The following RANBP2 variants were observed in gnomAD, a reference collection of about 807,000 sequenced individuals.
RANBP2 encodes the protein E3 SUMO-protein ligase RanBP2.
RANBP2 carries 57 observed loss-of-function variants against 303.6 expected under a neutral mutation model. That is an observed-to-expected ratio of 0.19 (90% CI 0.15 to 0.23). RANBP2 has a LOEUF of 0.23. Among genes scored for constraint, RANBP2 ranks in the 10% least tolerant of loss-of-function variants. RANBP2 has a pLI of 1.00. For synonymous variants in RANBP2, 1,167 were observed against 1,301.5 expected, an observed-to-expected ratio of 0.90 and a Z score of 2.23; for missense variants, 3,138 against 3,780.8, an observed-to-expected ratio of 0.83 and a Z score of 4.46.
At chr2:109,736,467 AAC>A in the RANBP2 span, among the ~76,000 whole-genome samples, 1 of 152,186 alleles carries the variant, frequency 6.6e-6, no homozygotes, top group South Asian at 2.1e-4. Context: ...GACTTGTAGA[AAC>A]ACATTACTTA....
chr2:109,691,970 G>C, the RANBP2 span, among the ~76,000 whole-genome samples: 4 of 151,998 alleles, frequency 2.6e-5, no homozygotes, highest in Non-Finnish European at 5.9e-5. Flanking sequence ...TTTTAGTAGA[G>C]ACGAGGTTTC....
At chr2:108,899,554 A>G in the RANBP2 span, among the ~76,000 whole-genome samples, 4 of 152,254 alleles carry the variant, frequency 2.6e-5, no homozygotes, top group Non-Finnish European at 5.9e-5. Flanking sequence ...AGTTTTCTGA[A>G]TTACATTAGG....
At chr2:108,902,661 A>G in the RANBP2 span, among the ~76,000 whole-genome samples, 2 of 152,232 alleles carry the variant, frequency 1.3e-5, no homozygotes, top group Middle Eastern at 3.2e-3. Context: ...ATAGAATGCA[A>G]CCATAAAAAA....
At chr2:109,246,614 C>T in the RANBP2 span, among the ~76,000 whole-genome samples, 1 of 152,188 alleles carries the variant, frequency 6.6e-6, no homozygotes, top group Non-Finnish European at 1.5e-5. Context: ...GCCTTCCTTT[C>T]CACACACAGC....
chr2:109,015,782 A>T, the RANBP2 span, among the ~76,000 whole-genome samples: 1 of 152,208 alleles, frequency 6.6e-6, no homozygotes, highest in Non-Finnish European at 1.5e-5. Flanking sequence ...ATAAAATAAA[A>T]AAATAAAGAA....
the RANBP2 span, among the ~76,000 whole-genome samples, chr2:108,995,642 T>C: frequency 1.3e-5 from 2 of 152,246 alleles, no homozygotes; most frequent in Non-Finnish European, 2.9e-5. Context: ...GGCTAAATGG[T>C]TGCATTTCTT....
At chr2:108,761,309 A>G (rs1381956959) in intron 18 of RANBP2, among the ~76,000 whole-genome samples, 3 of 151,230 alleles carry the variant, frequency 2.0e-5, no homozygotes, top group African/African-American at 7.3e-5. Context: ...AGCCTTTTCT[A>G]GGTCTTGATT....
chr2:109,299,913 G>A, the RANBP2 span, among the ~76,000 whole-genome samples: 77 of 152,342 alleles, frequency 5.1e-4, no homozygotes, highest in African/African-American at 1.4e-3. Flanking sequence ...CAAGTAGGAT[G>A]TGCAGAGCCA....
chr2:108,740,472 A>G lies in RANBP2; in HGVS notation c.783-17A>G, dbSNP rs781150681. The G allele has an allele frequency of 3.8e-6, 6 of 1,597,420 alleles. No individual in the cohort carries two copies. The highest frequency in any genetic ancestry group is 2.2e-4 in the Middle Eastern group (1 of 4,448). Reference sequence around the variant, plus strand: ...GCAGTAAGTGTGTATTATCTGTTTGATATTTTCATATTACAGTTTTGATAG... The same window carrying G: ...GCAGTAAGTGTGTATTATCTGTTTGGTATTTTCATATTACAGTTTTGATAG... On this transcript the variant is annotated splice_polypyrimidine_tract_variant and intron_variant, in intron 6 of 28. Coordinates refer to ENST00000283195, the MANE Select transcript of RANBP2 (RefSeq NM_006267.5).
chr2:108,890,030 A>G, the RANBP2 span, among the ~76,000 whole-genome samples: 13 of 152,228 alleles, frequency 8.5e-5, no homozygotes, highest in African/African-American at 3.1e-4. Context: ...GGAGTCGTCT[A>G]GTGGTAATGA....
chr2:109,726,801 A>G, the RANBP2 span, among the ~76,000 whole-genome samples: 1 of 152,106 alleles, frequency 6.6e-6, no homozygotes, highest in African/African-American at 2.4e-5. Context: ...CTGAGAGGGA[A>G]TGTGGTCGGG....
the RANBP2 span, among the ~76,000 whole-genome samples, chr2:109,499,960 G>A: frequency 1.6e-4 from 24 of 152,294 alleles, no homozygotes; most frequent in Non-Finnish European, 2.6e-4. Flanking sequence ...GGGAGGCAGC[G>A]AGTGGGGGCT....
the RANBP2 span, among the ~76,000 whole-genome samples, chr2:109,568,962 G>A: frequency 3.3e-5 from 5 of 152,282 alleles, no homozygotes; most frequent in African/African-American, 7.2e-5. Context: ...TGTGAAGACC[G>A]AATAACTTGT....
chr2:108,906,328 T>C, the RANBP2 span: 24 of 1,614,224 alleles, frequency 1.5e-5, no homozygotes, highest in Non-Finnish European at 2.0e-5. Context: ...TCCACACACG[T>C]TGGCATACAC....
At chr2:109,517,722 G>A in the RANBP2 span, among the ~76,000 whole-genome samples, 92 of 152,306 alleles carry the variant, frequency 6.0e-4, 1 homozygote, top group South Asian at 0.019. Flanking sequence ...GATCCCACAG[G>A]GCTGGGTGGG....
chr2:109,189,382 C>CT, the RANBP2 span, among the ~76,000 whole-genome samples: 14 of 104,318 alleles, frequency 1.3e-4, no homozygotes, highest in African/African-American at 4.9e-4. Context: ...TTTTTTTTTT[C>CT]TTTTTTTTGA....
chr2:108,782,911 C>A, intron 28 of RANBP2, 49 bp downstream of exon 28: 2 of 1,476,258 alleles, frequency 1.4e-6, no homozygotes, highest in Non-Finnish European at 1.9e-6. Context: ...AAGAGTGCAC[C>A]ACACTAATGG....
chr2:108,781,504 AG>A, intron 26 of RANBP2, 75 bp downstream of exon 26: 1 of 1,410,984 alleles, frequency 7.1e-7, no homozygotes, highest in South Asian at 1.2e-5. Context: ...TTGATCTGTC[AG>A]GGTATAATTG....
chr2:109,397,359 T>C, the RANBP2 span, among the ~76,000 whole-genome samples: 1 of 152,204 alleles, frequency 6.6e-6, no homozygotes, highest in Non-Finnish European at 1.5e-5. Flanking sequence ...TTACCCAGCC[T>C]GATGGCATTT....
Sources: allele counts gnomAD v4.1 joint callset (sites outside exome capture counted in the v4.1 genomes callset), GRCh38; gene constraint gnomAD v4.1.1; transcripts MANE v1.5; gene names NCBI Gene and HGNC (gene_info 2026-07-23, HGNC 2026-07-21).